The following PCDHGA4 variants were observed in gnomAD, a reference collection of about 807,000 sequenced individuals.
PCDHGA4 encodes protocadherin gamma subfamily A, 4.
Under a neutral mutation model 54.6 loss-of-function variants are expected in PCDHGA4, and 38 were observed. The ratio of observed to expected loss-of-function variants is 0.70; its 90% confidence interval spans 0.54 to 0.91. PCDHGA4 has a LOEUF of 0.91. PCDHGA4 is among the 40% of genes least tolerant of loss of function. PCDHGA4 has a pLI of 0.00. For synonymous variants in PCDHGA4, 511 were observed against 512.9 expected (o/e 1.00, Z 0.05); for missense variants, 1,298 against 1,220.9 (o/e 1.06, Z -0.94).
At chr5:141,423,982 T>C in intron 1 of PCDHGA4, 3 of 1,106,134 alleles carry the variant, frequency 2.7e-6, no homozygotes, top group Non-Finnish European at 3.4e-6. Flanking sequence ...TGTATGAGGC[T>C]CTCAATTTAT....
At chr5:141,435,112 T>A (rs906494104) in intron 1 of PCDHGA4, among the ~76,000 whole-genome samples, 1 of 152,102 alleles carries the variant, frequency 6.6e-6, no homozygotes, top group Non-Finnish European at 1.5e-5. Context: ...GGGGGAGAAA[T>A]CTAATTCAAT....
Position 141,366,435 on chromosome 5 carries a change from G to A in PCDHGA4, c.2514+8814G>A, listed in dbSNP as rs1764554522. ...GTGGTGGCAGTGGCTGCAGTCTCCTGCGTCTTCCTGGCCTTCGTCATCGTG... is the reference window on the plus strand; with the variant it reads ...GTGGTGGCAGTGGCTGCAGTCTCCTACGTCTTCCTGGCCTTCGTCATCGTG... On this transcript the variant is annotated intron_variant, in intron 1 of 3. Transcript: ENST00000571252. 2 of 1,614,046 alleles carry A rather than the reference G, an allele frequency of 1.2e-6. No individual in the cohort carries two copies. The highest frequency in any genetic ancestry group is 1.3e-5 in the African/African-American group (1 of 74,958).
Position 141,372,039 on chromosome 5 carries a change from C to A in PCDHGA4, c.2514+14418C>A, listed in dbSNP as rs757866605. 4.3e-6 allele frequency: 7 copies of A among 1,613,350 alleles called. No homozygotes were observed. Among genetic ancestry groups the A allele is most frequent in the Admixed American group, 1.7e-5 (1 of 59,996 alleles). ...TACGCTCAGCGCCAACGTGAGCCTG[C>A]GCGTGTTGGTGGACGACCGCAACGA... On this transcript the variant is annotated intron_variant, in intron 1 of 3. Coordinates refer to ENST00000571252, the MANE Select transcript of PCDHGA4 (RefSeq NM_018917.4).
chr5:141,495,943 CTGT>C (rs1324780860), intron 2 of PCDHGA4, among the ~76,000 whole-genome samples: 1 of 152,010 alleles, frequency 6.6e-6, no homozygotes, highest in Non-Finnish European at 1.5e-5. Flanking sequence ...GTCTCTGTGC[CTGT>C]TGTCTTTTTC....
chr5:141,502,884 A>T (rs2099816871), intron 2 of PCDHGA4, among the ~76,000 whole-genome samples: 1 of 36,804 alleles, frequency 2.7e-5, no homozygotes, highest in African/African-American at 3.5e-4. Context: ...TTTTTTTGAC[A>T]GGGAGTCTAG....
Position 141,383,719 on chromosome 5 carries a change from A to C in PCDHGA4, c.2514+26098A>C, listed in dbSNP as rs779948364. The C allele has an allele frequency of 6.2e-6, 10 of 1,613,982 alleles. No individual in the cohort carries two copies. The East Asian group carries it at 2.2e-4, about 36-fold the overall frequency. ...TGCTATCGACCTGGACGAGGGAGTCAATGGGGAAGTGACATATTCTTTTCG... is the reference window on the plus strand; with the variant it reads ...TGCTATCGACCTGGACGAGGGAGTCCATGGGGAAGTGACATATTCTTTTCG... On this transcript the variant is annotated intron_variant, in intron 1 of 3. Transcript: ENST00000571252.
At chr5:141,388,773 G>T (rs769358867) in intron 1 of PCDHGA4, 12 of 1,613,808 alleles carry the variant, frequency 7.4e-6, no homozygotes, top group Non-Finnish European at 9.3e-6. Context: ...CTCTAACACC[G>T]GGGAAATTAC....
intron 1 of PCDHGA4, chr5:141,367,888 TG>T (rs1765380243): frequency 6.6e-6 from 1 of 152,184 alleles, no homozygotes; most frequent in African/African-American, 2.4e-5. Flanking sequence ...CTTTATTACT[TG>T]AGTTTAAGGT....
intron 1 of PCDHGA4, among the ~76,000 whole-genome samples, chr5:141,387,064 G>A (rs2090802887): frequency 6.6e-6 from 1 of 152,174 alleles, no homozygotes; most frequent in Admixed American, 6.5e-5. Context: ...ATGAGGAGAG[G>A]AGTAGGCTAC....
intron 1 of PCDHGA4, chr5:141,383,918 TA>T: frequency 6.2e-7 from 1 of 1,613,948 alleles, no homozygotes; most frequent in Non-Finnish European, 8.5e-7. Flanking sequence ...GTTTTAGATG[TA>T]AATGATAATG....
At chr5:141,393,952 G>C in intron 1 of PCDHGA4, 4 of 1,613,916 alleles carry the variant, frequency 2.5e-6, no homozygotes, top group Non-Finnish European at 3.4e-6. Context: ...GGAAAGAATG[G>C]TCAAGTTGTC....
At position 141,356,479 on chromosome 5, in the gene PCDHGA4, C is replaced by T. The variant is rs751078238; in HGVS notation, c.1372C>T (p.Gln458Ter). Reference protein sequence around the residue: ...EYNITVTATDQGTPPLSTETH... With the variant: ...EYNITVTATD ...TAACATCACTGTAACTGCCACTGAC[C>T]AGGGAACTCCTCCACTGTCTACAGA... The change falls in exon 1 of 4, where the codon CAG becomes TAG. Residue 458 changes from glutamine to a stop codon, truncating the protein, a stop_gained. Transcript: ENST00000571252. LOFTEE classifies it high-confidence loss of function. 6.2e-7 allele frequency: 1 copy of T among 1,613,936 alleles called. No individual in the cohort carries two copies.
At chr5:141,505,238 G>A (rs1254100882) in intron 2 of PCDHGA4, 155 bp from the exon 3 acceptor site, 2 of 890,422 alleles carry the variant, frequency 2.2e-6, no homozygotes, top group South Asian at 5.2e-5. Context: ...GGCTTCTGAA[G>A]GATTGTAGAA....
Position 141,490,772 on chromosome 5 carries a change from C to T in PCDHGA4, c.2515-4035C>T. ...GCCTCCTCCTTTGTGTATGTCAACC[C>T]AGAGGATGGACGGATCTTTGCCCAG... On this transcript the variant is annotated intron_variant, in intron 1 of 3. Coordinates refer to ENST00000571252, the MANE Select transcript of PCDHGA4 (RefSeq NM_018917.4). This position sits in a 1 kb window ranked among gnomAD's most constrained non-coding sequence, Gnocchi z 5.4. 6.2e-7 allele frequency: 1 copy of T among 1,614,164 alleles called. No homozygotes were observed. The highest frequency in any genetic ancestry group is 1.1e-5 in the South Asian group (1 of 91,082).
intron 1 of PCDHGA4, chr5:141,392,937 G>A: frequency 6.2e-7 from 1 of 1,613,948 alleles, no homozygotes; most frequent in Admixed American, 1.7e-5. Context: ...GACGGACAAA[G>A]GCTCCTTCGT....
intron 1 of PCDHGA4, chr5:141,390,450 T>A: frequency 1.2e-6 from 1 of 822,586 alleles, no homozygotes; most frequent in Non-Finnish European, 1.9e-6. Context: ...AAAGGAGGAG[T>A]AAAGTAGGAG....
chr5:141,393,452 G>T lies in PCDHGA4; in HGVS notation c.2514+35831G>T, dbSNP rs189963623. 9.0e-3 allele frequency: 14,601 copies of T among 1,614,028 alleles called. 101 individuals are homozygous for T. The highest frequency in any genetic ancestry group is 0.01 in the Non-Finnish European group (11,851 of 1,179,906). ...AGGCTGCTCACCACCTGGTCCTCACGGCCTCGGATGGCGGCAAGCCGCCTC... is the reference window on the plus strand; with the variant it reads ...AGGCTGCTCACCACCTGGTCCTCACTGCCTCGGATGGCGGCAAGCCGCCTC... On this transcript the variant is annotated intron_variant, in intron 1 of 3. Coordinates refer to ENST00000571252, the MANE Select transcript of PCDHGA4 (RefSeq NM_018917.4).
intron 1 of PCDHGA4, chr5:141,404,026 A>T: frequency 6.2e-7 from 1 of 1,613,874 alleles, no homozygotes; most frequent in Non-Finnish European, 8.5e-7. Context: ...CAGTGAGAGA[A>T]GACGCACCTC....
chr5:141,381,583 A>G (rs766567706), intron 1 of PCDHGA4, among the ~76,000 whole-genome samples: 1 of 152,214 alleles, frequency 6.6e-6, no homozygotes, highest in Non-Finnish European at 1.5e-5. Context: ...CAGCCAATCC[A>G]TTATCCAGTT....
Sources: allele counts gnomAD v4.1 joint callset (sites outside exome capture counted in the v4.1 genomes callset), GRCh38; gene constraint gnomAD v4.1.1; non-coding constraint Gnocchi (gnomAD v3.1); transcripts MANE v1.5; gene names NCBI Gene and HGNC (gene_info 2026-07-23, HGNC 2026-07-21).